The following XKR9 variants were observed in gnomAD, a reference collection of about 807,000 sequenced individuals.
XKR9 encodes the protein XK related 9.
Under a neutral mutation model 32.0 loss-of-function variants are expected in XKR9, and 32 were observed. That is an observed-to-expected ratio of 1.00 (90% CI 0.76 to 1.34). The LOEUF is 1.34. Among genes scored for constraint, XKR9 ranks in the 40% most tolerant of loss-of-function variants. XKR9 has a pLI of 0.00. For missense variants in XKR9, 546 were observed against 429.7 expected (o/e 1.27, Z -2.39); for synonymous variants, 168 against 143.4 (o/e 1.17, Z -1.22).
At chr8:70,728,991 TCTTTA>T (rs1806572701) in intron 4 of XKR9, among the ~76,000 whole-genome samples, 1 of 152,218 alleles carries the variant, frequency 6.6e-6, no homozygotes, top group Non-Finnish European at 1.5e-5. Context: ...AAAGTGACAT[TCTTTA>T]CTTACCACAG....
At chr8:70,831,318 C>T in the XKR9 span, among the ~76,000 whole-genome samples, 7 of 148,116 alleles carry the variant, frequency 4.7e-5, no homozygotes, top group Admixed American at 2.0e-4. Flanking sequence ...AAGTACCTAA[C>T]TTCTTTGAGT....
At chr8:70,687,778 A>AT (rs1276380914) in intron 3 of XKR9, among the ~76,000 whole-genome samples, 1 of 152,098 alleles carries the variant, frequency 6.6e-6, no homozygotes, top group African/African-American at 2.4e-5. Flanking sequence ...TTTAATGTTG[A>AT]TTTTTAATTT....
At chr8:70,824,272 C>T in the XKR9 span, among the ~76,000 whole-genome samples, 1 of 152,166 alleles carries the variant, frequency 6.6e-6, no homozygotes, top group Middle Eastern at 3.4e-3. Flanking sequence ...GGTAAGTAAA[C>T]AATACTTATA....
At chr8:71,028,913 A>AGAGAGAGG in the XKR9 span, among the ~76,000 whole-genome samples, 1 of 152,038 alleles carries the variant, frequency 6.6e-6, no homozygotes, top group Non-Finnish European at 1.5e-5. Flanking sequence ...ACAGAAAGAG[A>AGAGAGAGG]GAGAGAGAGA....
the XKR9 span, among the ~76,000 whole-genome samples, chr8:70,910,783 G>A: frequency 2.0e-5 from 3 of 152,328 alleles, no homozygotes; most frequent in East Asian, 1.9e-4. Flanking sequence ...CTTATCTGGA[G>A]GTTCTGAGGA....
the XKR9 span, among the ~76,000 whole-genome samples, chr8:70,945,113 A>G: frequency 6.6e-6 from 1 of 152,252 alleles, no homozygotes; most frequent in Non-Finnish European, 1.5e-5. Context: ...TTTTGGTATA[A>G]TTTACACTGT....
chr8:71,027,088 A>G, the XKR9 span, among the ~76,000 whole-genome samples: 2 of 152,126 alleles, frequency 1.3e-5, no homozygotes, highest in Non-Finnish European at 2.9e-5. Flanking sequence ...TAGAATTATT[A>G]TTGTATGTCA....
chr8:70,738,093 T>C (rs1454207652), downstream of XKR9, among the ~76,000 whole-genome samples: 1 of 123,118 alleles, frequency 8.1e-6, no homozygotes, highest in East Asian at 2.0e-4. Context: ...TGAATCCATC[T>C]GGTCCTGGAC....
At chr8:70,790,126 T>C (rs937352847) in exon 4 of XKR9, 3 of 151,742 alleles carry the variant, frequency 2.0e-5, no homozygotes, top group Non-Finnish European at 4.4e-5. Context: ...TAAAAAGAAT[T>C]GATTACTTCG....
chr8:70,787,351 T>C (rs2130263184), intron 2 of XKR9, among the ~76,000 whole-genome samples: 1 of 152,300 alleles, frequency 6.6e-6, no homozygotes, highest in Middle Eastern at 3.4e-3. Flanking sequence ...ACAGTTGTTT[T>C]TCTCAAAAGA....
chr8:70,782,901 T>C (rs1044101091), intron 2 of XKR9, among the ~76,000 whole-genome samples: 12 of 152,214 alleles, frequency 7.9e-5, no homozygotes, highest in Non-Finnish European at 1.6e-4. Flanking sequence ...TGCCAACACC[T>C]CTTCTACCAA....
At chr8:70,815,007 A>T in the XKR9 span, among the ~76,000 whole-genome samples, 2 of 152,368 alleles carry the variant, frequency 1.3e-5, no homozygotes, top group African/African-American at 4.8e-5. Context: ...GCTACAAAAG[A>T]TAAAATGCCT....
the XKR9 span, among the ~76,000 whole-genome samples, chr8:70,974,216 T>A: frequency 0.31 from 47,242 of 150,732 alleles, 8,433 homozygotes; most frequent in Non-Finnish European, 0.42. Context: ...TTATATAGTG[T>A]CCCTCTTTTT....
the XKR9 span, among the ~76,000 whole-genome samples, chr8:70,834,154 AATAT>A: frequency 5.3e-5 from 8 of 151,952 alleles, no homozygotes; most frequent in Non-Finnish European, 1.2e-4. Flanking sequence ...TATAGAATAT[AATAT>A]ATAGTGTTTT....
At chr8:70,787,795 A>G (rs1807708377) in intron 2 of XKR9, among the ~76,000 whole-genome samples, 1 of 152,076 alleles carries the variant, frequency 6.6e-6, no homozygotes, top group Non-Finnish European at 1.5e-5. Context: ...GACTAGCATT[A>G]TTCAATACTA....
At chr8:70,688,715 C>CTTTTTTTTTTTTT (rs11450447) in intron 3 of XKR9, among the ~76,000 whole-genome samples, 1 of 144,830 alleles carries the variant, frequency 6.9e-6, no homozygotes, top group Non-Finnish European at 1.5e-5. Context: ...TGTGCCTGTC[C>CTTTTTTTTTTTTT]TTTTTTTTTT....
chr8:70,927,969 T>C, the XKR9 span, among the ~76,000 whole-genome samples: 89 of 152,302 alleles, frequency 5.8e-4, no homozygotes, highest in African/African-American at 2.1e-3. Flanking sequence ...TTGAAATGAG[T>C]TGAGTCTAGG....
At chr8:70,939,038 T>A in the XKR9 span, among the ~76,000 whole-genome samples, 1 of 151,860 alleles carries the variant, frequency 6.6e-6, no homozygotes, top group Non-Finnish European at 1.5e-5. Context: ...AGAGATTTCA[T>A]CATTGACAGC....
chr8:70,699,207 G>A (rs1805415088), intron 3 of XKR9, among the ~76,000 whole-genome samples: 1 of 152,186 alleles, frequency 6.6e-6, no homozygotes, highest in South Asian at 2.1e-4. Flanking sequence ...TGTTGTGTGT[G>A]AATTTGATCC....
Sources: allele counts gnomAD v4.1 joint callset (sites outside exome capture counted in the v4.1 genomes callset), GRCh38; gene constraint gnomAD v4.1.1; transcripts MANE v1.5; gene names NCBI Gene and HGNC (gene_info 2026-07-23, HGNC 2026-07-21).